The following RNF13 variants were observed in gnomAD, a reference collection of about 807,000 sequenced individuals.
The protein encoded by RNF13 is E3 ubiquitin-protein ligase RNF13.
A neutral mutation model predicts 37.7 loss-of-function variants in RNF13; 19 were observed. The ratio of observed to expected loss-of-function variants is 0.50; its 90% CI spans 0.35 to 0.74. The LOEUF is 0.74. RNF13 is among the 30% of genes least tolerant of loss of function. The pLI is 0.01. For synonymous variants in RNF13, 144 were observed against 157.8 expected (o/e 0.91, Z 0.65); for missense variants, 375 against 453.0 (o/e 0.83, Z 1.56).
intron 4 of RNF13, among the ~76,000 whole-genome samples, chr3:149,883,858 C>G (rs145242039): frequency 1.3e-5 from 2 of 152,154 alleles, no homozygotes; most frequent in African/African-American, 4.8e-5. Flanking sequence ...CTCTCTCCCC[C>G]GACCCTCCCT....
intron 8 of RNF13, among the ~76,000 whole-genome samples, chr3:149,949,966 AT>A (rs1007003080): frequency 6.6e-6 from 1 of 151,954 alleles, no homozygotes; most frequent in Admixed American, 6.6e-5. Context: ...ATTCTTGCAT[AT>A]TATTCCATTT....
intron 1 of RNF13, chr3:149,817,411 A>G (rs1361915930): frequency 2.0e-5 from 3 of 152,288 alleles, no homozygotes; most frequent in Middle Eastern, 3.4e-3. Context: ...AGGGATTCTC[A>G]CCGTAAGAAT....
intron 5 of RNF13, among the ~76,000 whole-genome samples, chr3:149,899,381 G>A (rs552157833): frequency 8.5e-5 from 13 of 152,246 alleles, no homozygotes; most frequent in East Asian, 7.7e-4. Flanking sequence ...CCTGGGAGGC[G>A]GAGGGTGCAG....
intron 2 of RNF13, among the ~76,000 whole-genome samples, chr3:149,847,111 T>A (rs1436427423): frequency 1.3e-5 from 2 of 152,204 alleles, no homozygotes; most frequent in South Asian, 4.1e-4. Context: ...CCTCAACTTA[T>A]GATGAGATTA....
intron 8 of RNF13, among the ~76,000 whole-genome samples, chr3:149,943,464 A>G (rs1440216882): frequency 6.6e-6 from 1 of 152,138 alleles, no homozygotes; most frequent in Non-Finnish European, 1.5e-5. Context: ...TGCCTCCCCT[A>G]TTATCAACAT....
At chr3:149,935,971 C>T (rs1576563296) in intron 8 of RNF13, among the ~76,000 whole-genome samples, 1 of 151,444 alleles carries the variant, frequency 6.6e-6, no homozygotes, top group Non-Finnish European at 1.5e-5. Context: ...AAGTCATTAT[C>T]TCTCATTTAT....
intron 4 of RNF13, among the ~76,000 whole-genome samples, chr3:149,879,092 T>C (rs1713077964): frequency 6.6e-6 from 1 of 152,172 alleles, no homozygotes; most frequent in South Asian, 2.1e-4. Flanking sequence ...CCATCCAGTA[T>C]CTGTATTATG....
rs1328207579 is a variant in RNF13 at position 149,913,546 on chromosome 3, T to C, written c.606+1463T>C. 2.6e-5 allele frequency among the ~76,000 whole-genome samples: 4 copies of C among 152,210 alleles called. No homozygotes were observed. In the East Asian group the frequency reaches 5.8e-4, roughly 22 times the overall value. On this transcript the variant is annotated intron_variant, in intron 7 of 9. Transcript: ENST00000392894. ...TTTACCAGGTTTTTCATTAATGTAC[T>C]CTTTCTGTTCCAGGATCAAATCCAG... is the stretch of plus-strand genomic sequence containing the variant.
At chr3:149,836,523 C>G (rs111942726) in intron 1 of RNF13, among the ~76,000 whole-genome samples, 36 of 151,602 alleles carry the variant, frequency 2.4e-4, no homozygotes, top group Middle Eastern at 3.4e-3. Flanking sequence ...CATAAAATAG[C>G]AAATGTTGGC....
intron 1 of RNF13, among the ~76,000 whole-genome samples, chr3:149,842,031 GTTC>G (rs1722233141): frequency 6.6e-6 from 1 of 152,072 alleles, no homozygotes; most frequent in Admixed American, 6.6e-5. Context: ...TCATTTTAAA[GTTC>G]TTTTCTCTCT....
chr3:149,900,117 A>G (rs1192084111), intron 5 of RNF13, among the ~76,000 whole-genome samples: 1 of 152,222 alleles, frequency 6.6e-6, no homozygotes, highest in Non-Finnish European at 1.5e-5. Context: ...TTTGCTTACA[A>G]TATTTTCTCC....
chr3:149,897,238 C>G (rs1334569157), intron 5 of RNF13, among the ~76,000 whole-genome samples: 1 of 152,194 alleles, frequency 6.6e-6, no homozygotes, highest in Non-Finnish European at 1.5e-5. Context: ...TAACTTTGAG[C>G]AAGTTACTTA....
chr3:149,851,855 A>G (rs939985152), intron 2 of RNF13, among the ~76,000 whole-genome samples: 1 of 152,146 alleles, frequency 6.6e-6, no homozygotes, highest in Non-Finnish European at 1.5e-5. Flanking sequence ...CATTACTGTT[A>G]TCTTCTAAAA....
chr3:149,961,904 A>C lies in RNF13; in HGVS notation c.*800A>C, dbSNP rs1269725763. 6.5e-6 allele frequency: 1 copy of C among 152,836 alleles called. No individual in the cohort carries two copies. Among genetic ancestry groups the C allele is most frequent in the Non-Finnish European group, 1.5e-5 (1 of 68,184 alleles). The allele number at this position is 152,836 out of a possible 1,614,324, so 9.5% of individuals were successfully genotyped here. ...GCATCTTATGCTAATTAGCCCTGCT[A>C]AACTATGTACAGAGGAAACTGTTCA... On this transcript the variant is annotated 3_prime_UTR_variant, in exon 10 of 10. Coordinates refer to ENST00000392894, the MANE Select transcript of RNF13 (RefSeq NM_183381.3).
At chr3:149,945,274 G>T (rs900460918) in intron 8 of RNF13, among the ~76,000 whole-genome samples, 1 of 152,154 alleles carries the variant, frequency 6.6e-6, no homozygotes, top group Non-Finnish European at 1.5e-5. Context: ...TTTGGCTTAG[G>T]ATTGTCTGGC....
chr3:149,836,218 G>T (rs975391025), intron 1 of RNF13, among the ~76,000 whole-genome samples: 1 of 151,978 alleles, frequency 6.6e-6, no homozygotes, highest in African/African-American at 2.4e-5. Context: ...CATGTCCTTA[G>T]CCCACTTTTT....
chr3:149,897,048 T>C (rs979203065), intron 5 of RNF13, among the ~76,000 whole-genome samples: 7 of 152,134 alleles, frequency 4.6e-5, no homozygotes, highest in Admixed American at 6.5e-5. Flanking sequence ...TACTGCCAAT[T>C]TGACACATTT....
chr3:149,901,291 TG>T (rs1715808367), intron 5 of RNF13, among the ~76,000 whole-genome samples: 2 of 152,202 alleles, frequency 1.3e-5, no homozygotes, highest in Non-Finnish European at 2.9e-5. Context: ...AGAAAACAAA[TG>T]GGCCTTCTCT....
At chr3:149,859,021 C>A (rs948876285) in intron 3 of RNF13, among the ~76,000 whole-genome samples, 1 of 152,094 alleles carries the variant, frequency 6.6e-6, no homozygotes, top group Non-Finnish European at 1.5e-5. Flanking sequence ...CCTTTGCCTG[C>A]TTTCTTTGCA....
Sources: gnomAD v4.1 joint callset for allele counts (sites outside exome capture counted in the v4.1 genomes callset) on GRCh38, gnomAD v4.1.1 for gene constraint, MANE v1.5 for transcripts, NCBI Gene and HGNC (gene_info 2026-07-23, HGNC 2026-07-21) for gene names.